SLC37A3: variants seen among roughly 807,000 people sequenced by gnomAD.
SLC37A3 encodes the protein sugar phosphate exchanger 3.
SLC37A3 carries 51 observed loss-of-function variants against 67.1 expected under a neutral mutation model. The ratio of observed to expected loss-of-function variants is 0.76; its 90% confidence interval spans 0.61 to 0.96. SLC37A3 has a LOEUF of 0.96. Ranked by LOEUF, SLC37A3 falls within the 40% of genes least tolerant of loss-of-function variation. The probability of loss-of-function intolerance (pLI) is 0.00; values close to 1 mark genes in which losing one functional copy is unlikely to be tolerated. For synonymous variants in SLC37A3, 214 were observed against 231.4 expected (o/e 0.92, Z 0.68); for missense variants, 508 against 603.0 (o/e 0.84, Z 1.65).
At chr7:140,339,461 A>G (rs1276692319) in intron 13 of SLC37A3, among the ~76,000 whole-genome samples, 2 of 151,826 alleles carry the variant, frequency 1.3e-5, no homozygotes, top group Non-Finnish European at 2.9e-5. Context: ...GGGTTTCACC[A>G]TGTTGGCCAG....
At chr7:140,396,987 G>A (rs1404391981) in intron 1 of SLC37A3, among the ~76,000 whole-genome samples, 1 of 149,770 alleles carries the variant, frequency 6.7e-6, no homozygotes, top group East Asian at 2.0e-4. Flanking sequence ...GGACCACGAG[G>A]TCAGGAGATC....
intron 3 of SLC37A3, among the ~76,000 whole-genome samples, chr7:140,374,791 A>G (rs919531308): frequency 1.3e-5 from 2 of 151,302 alleles, no homozygotes; most frequent in Non-Finnish European, 2.9e-5. Flanking sequence ...CCAGGACTTC[A>G]AGGCTGCAGT....
At chr7:140,393,007 G>A (rs951189638) in intron 1 of SLC37A3, among the ~76,000 whole-genome samples, 3 of 151,966 alleles carry the variant, frequency 2.0e-5, no homozygotes, top group South Asian at 2.1e-4. Context: ...CAGGAGAATC[G>A]CTTGAACCCA....
intron 1 of SLC37A3, among the ~76,000 whole-genome samples, chr7:140,385,569 T>C (rs1798417688): frequency 6.6e-6 from 1 of 152,140 alleles, no homozygotes; most frequent in African/African-American, 2.4e-5. Flanking sequence ...ATTCCAAAAA[T>C]AAATGCTCCA....
intron 10 of SLC37A3, among the ~76,000 whole-genome samples, chr7:140,347,921 C>T (rs991501715): frequency 6.6e-6 from 1 of 152,156 alleles, no homozygotes; most frequent in Non-Finnish European, 1.5e-5. Context: ...CCATGACCCC[C>T]GTGGATACCT....
At chr7:140,366,694 G>A (rs1797614869) in intron 4 of SLC37A3, among the ~76,000 whole-genome samples, 2 of 152,138 alleles carry the variant, frequency 1.3e-5, no homozygotes, top group African/African-American at 2.4e-5. Flanking sequence ...CGAGCACCCT[G>A]TCACCAGCTC....
At chr7:140,352,687 C>T (rs1034639182) in intron 7 of SLC37A3, among the ~76,000 whole-genome samples, 2 of 152,058 alleles carry the variant, frequency 1.3e-5, no homozygotes, top group Non-Finnish European at 2.9e-5. Flanking sequence ...CCCATCTTTC[C>T]AGGCACACGG....
At chr7:140,375,454 G>A (rs1011320121) in intron 3 of SLC37A3, among the ~76,000 whole-genome samples, 7 of 145,152 alleles carry the variant, frequency 4.8e-5, no homozygotes, top group African/African-American at 7.8e-5. Flanking sequence ...CAGCCTGAGC[G>A]ACATAGCAAG....
intron 13 of SLC37A3, among the ~76,000 whole-genome samples, chr7:140,338,122 C>T (rs1448371292): frequency 6.6e-6 from 1 of 152,116 alleles, no homozygotes; most frequent in Non-Finnish European, 1.5e-5. Flanking sequence ...AATCTCCTGA[C>T]CTTGTGATCC....
At chr7:140,368,977 A>G (rs879277326) in intron 4 of SLC37A3, among the ~76,000 whole-genome samples, 71 of 152,196 alleles carry the variant, frequency 4.7e-4, no homozygotes, top group Non-Finnish European at 3.1e-4. Flanking sequence ...ATCCAAACCT[A>G]AGTCAGGTCC....
intron 9 of SLC37A3, among the ~76,000 whole-genome samples, chr7:140,350,873 CA>C (rs1399122476): frequency 6.6e-6 from 1 of 152,040 alleles, no homozygotes; most frequent in Non-Finnish European, 1.5e-5. Flanking sequence ...TCGAAAGGCC[CA>C]AAAGCACACA....
At chr7:140,398,161 C>T (rs1799013788) in intron 1 of SLC37A3, among the ~76,000 whole-genome samples, 7 of 152,196 alleles carry the variant, frequency 4.6e-5, no homozygotes, top group Admixed American at 4.6e-4. Flanking sequence ...TGGATCGGGG[C>T]CGGGCCGCAG....
intron 12 of SLC37A3, 22 bp from the exon 13 acceptor site, chr7:140,343,585 T>C (rs376727860): frequency 6.2e-7 from 1 of 1,612,442 alleles, no homozygotes; most frequent in African/African-American, 1.3e-5. Flanking sequence ...AACAGGTTCT[T>C]ATTAAAACAC....
intron 3 of SLC37A3, chr7:140,380,075 C>G (rs1798189314): frequency 3.0e-6 from 1 of 330,430 alleles, no homozygotes; most frequent in African/African-American, 2.1e-5. Context: ...GATTTCTCAA[C>G]AGTTAGAAAC....
intron 3 of SLC37A3, among the ~76,000 whole-genome samples, chr7:140,378,934 CT>C (rs1294721636): frequency 1.3e-5 from 2 of 151,864 alleles, no homozygotes; most frequent in African/African-American, 2.4e-5. Flanking sequence ...GTAATCCCAG[CT>C]ACTCAGGAGG....
intron 9 of SLC37A3, 82 bp from the exon 10 acceptor site, chr7:140,348,849 C>T (rs1796684473): frequency 6.5e-7 from 1 of 1,534,726 alleles, no homozygotes; most frequent in South Asian, 1.2e-5. Context: ...AAAAGCAAAA[C>T]AAAATAAAGG....
intron 1 of SLC37A3, among the ~76,000 whole-genome samples, chr7:140,393,896 C>T (rs1373568630): frequency 6.6e-6 from 1 of 152,096 alleles, no homozygotes; most frequent in African/African-American, 2.4e-5. Flanking sequence ...TTGGGCCGGG[C>T]GCGATGGCTC....
At chr7:140,357,865 C>T (rs1585291492) in intron 6 of SLC37A3, among the ~76,000 whole-genome samples, 1 of 150,654 alleles carries the variant, frequency 6.6e-6, no homozygotes, top group East Asian at 2.0e-4. Flanking sequence ...TGCAGTGAGC[C>T]GAGATCGCGC....
chr7:140,389,739 G>A (rs778726950), intron 1 of SLC37A3, among the ~76,000 whole-genome samples: 1 of 152,154 alleles, frequency 6.6e-6, no homozygotes, highest in African/African-American at 2.4e-5. Flanking sequence ...GGAAGGCAAC[G>A]CTGCCTTCTA....
Sources: gnomAD v4.1 joint callset for allele counts (sites outside exome capture counted in the v4.1 genomes callset) on GRCh38, gnomAD v4.1.1 for gene constraint, MANE v1.5 for transcripts, NCBI Gene and HGNC (gene_info 2026-07-23, HGNC 2026-07-21) for gene names.